Variants in KIAA0232 observed in about 807,000 individuals in gnomAD.
KIAA0232 encodes the protein KIAA0232.
Under a neutral mutation model 122.0 loss-of-function variants are expected in KIAA0232, and 27 were observed. The observed-to-expected ratio is 0.22, with a 90% CI of 0.16 to 0.31. The LOEUF is 0.31. Among genes scored for constraint, KIAA0232 ranks in the 10% least tolerant of loss-of-function variants. The pLI is 1.00. For synonymous variants in KIAA0232, 613 were observed against 587.6 expected (o/e 1.04, Z -0.63); for missense variants, 1,551 against 1,634.2 (o/e 0.95, Z 0.88).
chr4:6,866,234 C>T (rs184413953), intron 7 of KIAA0232: 2 of 983,556 alleles, frequency 2.0e-6, no homozygotes, highest in African/African-American at 3.5e-5. Flanking sequence ...GATTCTACAT[C>T]ATACCACTAC....
Position 6,852,724 on chromosome 4 carries a change from C to G in KIAA0232, c.370-4440C>G, listed in dbSNP as rs1720359432. Among the ~76,000 whole-genome samples the G allele has an allele frequency of 2.0e-5, 3 of 152,204 alleles. No homozygotes were observed. The South Asian group carries it at 6.2e-4, about 31-fold the overall frequency. On this transcript the variant is annotated intron_variant, in intron 4 of 9. Coordinates refer to ENST00000307659, the MANE Select transcript of KIAA0232 (RefSeq NM_014743.3). Reference sequence around the variant, plus strand: ...TTAGCTAGGGCTCAGCTGGGAGGTTCTTCTGCTGTTCTTGCTTGGGGTCTG... The same window carrying G: ...TTAGCTAGGGCTCAGCTGGGAGGTTGTTCTGCTGTTCTTGCTTGGGGTCTG...
At chr4:6,853,327 A>C (rs1249133585) in intron 4 of KIAA0232, among the ~76,000 whole-genome samples, 1 of 152,246 alleles carries the variant, frequency 6.6e-6, no homozygotes. Flanking sequence ...AAGTAGAACA[A>C]AAAGATGAAG....
rs372251737 is a variant in KIAA0232, at chr4:6,863,295, T to C, written c.2913T>C (p.Gly971=). The C allele has an allele frequency of 8.5e-5, 138 of 1,614,176 alleles. 3 individuals are homozygous for C. The African/African-American group carries it at 1.6e-3, about 19-fold the overall frequency. The change falls in exon 7 of 10, where the codon GGT becomes GGC. Residue 971 remains glycine (G), a synonymous_variant. Coordinates refer to ENST00000307659, the MANE Select transcript of KIAA0232 (RefSeq NM_014743.3). ...CTTCTGATGTTGTGACGATAGCTGGTACAGATGTCTTTATGACCCCAGGAA... is the reference window on the plus strand; with the variant it reads ...CTTCTGATGTTGTGACGATAGCTGGCACAGATGTCTTTATGACCCCAGGAA... ...CAASDVVTIA[G]TDVFMTPGNS...
chr4:6,802,625 T>C (rs1717435047), intron 1 of KIAA0232, among the ~76,000 whole-genome samples: 1 of 151,152 alleles, frequency 6.6e-6, no homozygotes, highest in South Asian at 2.1e-4. Flanking sequence ...ACAATTAACC[T>C]TTTCTTCTGA....
intron 4 of KIAA0232, among the ~76,000 whole-genome samples, chr4:6,856,605 G>A (rs947008651): frequency 3.4e-4 from 51 of 151,848 alleles, no homozygotes; most frequent in African/African-American, 1.1e-3. Context: ...AGAAGACAAA[G>A]CTTTCACATT....
intron 1 of KIAA0232, among the ~76,000 whole-genome samples, chr4:6,786,890 T>G (rs941798858): frequency 1.3e-5 from 2 of 152,130 alleles, no homozygotes; most frequent in Non-Finnish European, 2.9e-5. Context: ...GTTAAAAATA[T>G]TCCTTGTATT....
chr4:6,792,300 T>C (rs905174765), intron 1 of KIAA0232, among the ~76,000 whole-genome samples: 10 of 152,186 alleles, frequency 6.6e-5, no homozygotes, highest in African/African-American at 2.4e-4. Flanking sequence ...AGGTTTTTGT[T>C]ATTTGTAACA....
chr4:6,846,493 A>G (rs1269655486), intron 4 of KIAA0232, among the ~76,000 whole-genome samples: 7 of 152,008 alleles, frequency 4.6e-5, no homozygotes, highest in Non-Finnish European at 1.0e-4. Flanking sequence ...TCTAGGGTGA[A>G]CGCTCCTTAT....
intron 1 of KIAA0232, among the ~76,000 whole-genome samples, chr4:6,798,644 A>G (rs548409885): frequency 2.1e-4 from 32 of 152,334 alleles, no homozygotes; most frequent in African/African-American, 7.5e-4. Context: ...CTTGACCTCC[A>G]GGGCTCGAAC....
At position 6,858,569 on chromosome 4, in the gene KIAA0232, C is replaced by T. The variant is rs1720684453; in HGVS notation, c.518+63C>T. 5.7e-6 allele frequency: 6 copies of T among 1,045,004 alleles called. No homozygotes were observed. The South Asian group carries it at 5.9e-5, about 10-fold the overall frequency. The allele number at this position is 1,045,004 out of a possible 1,614,324, so 64.7% of individuals were successfully genotyped here. A position where few individuals can be genotyped will look rare whatever the true frequency, so the allele number is the denominator to read the frequency against. ...GTTAAAATCAGATGAATAACTGCTACATGGTTTCCGTTTTCTGTTTGTCAT... is the reference window on the plus strand; with the variant it reads ...GTTAAAATCAGATGAATAACTGCTATATGGTTTCCGTTTTCTGTTTGTCAT... On this transcript the variant is annotated intron_variant, in intron 6 of 9. Transcript: ENST00000307659.
At chr4:6,800,498 A>G (rs1005434200) in intron 1 of KIAA0232, among the ~76,000 whole-genome samples, 3 of 151,638 alleles carry the variant, frequency 2.0e-5, no homozygotes, top group African/African-American at 7.3e-5. Context: ...CCTGACCAAC[A>G]TGGAGAAACC....
At chr4:6,823,636 C>T (rs1413294332) in intron 2 of KIAA0232, among the ~76,000 whole-genome samples, 3 of 151,302 alleles carry the variant, frequency 2.0e-5, no homozygotes, top group Non-Finnish European at 2.9e-5. Flanking sequence ...TACTTATTTC[C>T]GTTATACTTA....
chr4:6,858,831 C>T (rs1048773600), intron 6 of KIAA0232, among the ~76,000 whole-genome samples: 3 of 152,066 alleles, frequency 2.0e-5, no homozygotes, highest in African/African-American at 4.8e-5. Context: ...GATTATCAGC[C>T]GGGCACAGTG....
chr4:6,832,572 C>T (rs1198727942), intron 3 of KIAA0232, among the ~76,000 whole-genome samples: 1 of 152,136 alleles, frequency 6.6e-6, no homozygotes, highest in Non-Finnish European at 1.5e-5. Context: ...TGGTCTCGAG[C>T]TCCTGACCTC....
At chr4:6,836,930 T>A (rs756196070) in intron 3 of KIAA0232, among the ~76,000 whole-genome samples, 1 of 151,706 alleles carries the variant, frequency 6.6e-6, no homozygotes, top group Non-Finnish European at 1.5e-5. Flanking sequence ...CAAAATGGAG[T>A]CTCCTGTCTA....
intron 4 of KIAA0232, among the ~76,000 whole-genome samples, chr4:6,849,502 G>T (rs1720155134): frequency 6.6e-6 from 1 of 152,204 alleles, no homozygotes; most frequent in Non-Finnish European, 1.5e-5. Context: ...CATAATCCCA[G>T]CTACCTGGGA....
intron 4 of KIAA0232, among the ~76,000 whole-genome samples, chr4:6,843,235 G>T (rs1276533582): frequency 1.3e-5 from 2 of 152,072 alleles, no homozygotes; most frequent in African/African-American, 2.4e-5. Context: ...ATTTTGCTTT[G>T]ACCATACTAT....
At chr4:6,878,391 A>G (rs1391410980) in intron 9 of KIAA0232, among the ~76,000 whole-genome samples, 1 of 152,028 alleles carries the variant, frequency 6.6e-6, no homozygotes, top group Non-Finnish European at 1.5e-5. Context: ...ATACATACAT[A>G]CATACATACA....
chr4:6,861,950 C>T lies in KIAA0232; in HGVS notation c.1568C>T (p.Ala523Val). The change falls in exon 7 of 10, where the codon GCC (alanine) becomes GTC (valine). Residue 523 changes from alanine to valine, a missense_variant. Transcript: ENST00000307659. ...GATCAATCCATGTTGGATCCTGGTG[C>T]CTCAGAAACAATGCAAGGAGAAAGT... ...DIDQSMLDPG[A>V]SETMQGESRI... is the part of the protein sequence containing the mutation. 1 of 1,613,976 alleles carries T rather than the reference C, an allele frequency of 6.2e-7. No individual in the cohort carries two copies. Among genetic ancestry groups the T allele is most frequent in the East Asian group, 2.2e-5 (1 of 44,884 alleles).
Sources: gnomAD v4.1 joint callset for allele counts (sites outside exome capture counted in the v4.1 genomes callset) on GRCh38, gnomAD v4.1.1 for gene constraint, MANE v1.5 for transcripts, NCBI Gene and HGNC (gene_info 2026-07-23, HGNC 2026-07-21) for gene names.